ERC2: variants seen among roughly 807,000 people sequenced by gnomAD.
The protein encoded by ERC2 is ERC protein 2.
A neutral mutation model predicts 114.8 loss-of-function variants in ERC2; 42 were observed. The ratio of observed to expected loss-of-function variants is 0.37; its 90% CI spans 0.29 to 0.47. ERC2 has a LOEUF of 0.47. Ranked by LOEUF, ERC2 falls within the 20% of genes least tolerant of loss-of-function variation. The pLI is 0.99. For synonymous variants in ERC2, 454 were observed against 425.5 expected, an observed-to-expected ratio of 1.07 and a Z score of -0.82; for missense variants, 939 against 1,150.7, an observed-to-expected ratio of 0.82 and a Z score of 2.66.
chr3:56,343,381 T>G (rs557713799), intron 2 of ERC2, among the ~76,000 whole-genome samples: 65 of 152,006 alleles, frequency 4.3e-4, no homozygotes, highest in Non-Finnish European at 7.8e-4. Flanking sequence ...TTATCAAATT[T>G]TAGGCTAGGC....
chr3:55,603,565 T>A (rs577368811), intron 17 of ERC2, among the ~76,000 whole-genome samples: 4 of 148,318 alleles, frequency 2.7e-5, no homozygotes, highest in African/African-American at 1.0e-4. Flanking sequence ...CCCATCTTAC[T>A]GCAAGCAGGT....
intron 2 of ERC2, among the ~76,000 whole-genome samples, chr3:56,403,538 G>A (rs1206289658): frequency 6.6e-6 from 1 of 152,188 alleles, no homozygotes; most frequent in Non-Finnish European, 1.5e-5. Flanking sequence ...GCCACTCACA[G>A]TGTGGTCCAC....
rs570426204 is a variant in ERC2 at position 55,583,787 on chromosome 3, G to A, written c.*40-72511C>T. 3.3e-4 allele frequency among the ~76,000 whole-genome samples: 50 copies of A among 151,612 alleles called. No homozygotes were observed. The South Asian group carries it at 9.7e-3, about 29-fold the overall frequency. ...GGAAAATCCCTCTTCCCAAGTATCC[G>A]AGAGCTCACTGAGTTGCTTTTCCCA... On this transcript the variant is annotated intron_variant, in intron 17 of 17. Coordinates refer to ENST00000288221, the MANE Select transcript of ERC2 (RefSeq NM_015576.3).
chr3:55,569,861 A>ATTTTTTTTTTTTTTTTTTTT, intron 17 of ERC2, among the ~76,000 whole-genome samples: 1 of 125,228 alleles, frequency 8.0e-6, no homozygotes, highest in Non-Finnish European at 1.7e-5. Flanking sequence ...CTTCATTTCT[A>ATTTTTTTTTTTTTTTTTTTT]TTTTTTTTTT....
chr3:55,532,736 AC>A (rs1407111494), intron 17 of ERC2, among the ~76,000 whole-genome samples: 1 of 152,042 alleles, frequency 6.6e-6, no homozygotes, highest in African/African-American at 2.4e-5. Flanking sequence ...AGTAAGCTGC[AC>A]CCCCATCTCA....
intron 14 of ERC2, among the ~76,000 whole-genome samples, chr3:55,866,220 C>G (rs898135478): frequency 5.3e-5 from 8 of 152,106 alleles, no homozygotes; most frequent in Non-Finnish European, 8.8e-5. Flanking sequence ...CTTTAAGCAT[C>G]TTTTCATATG....
At chr3:55,534,465 G>T (rs1006869452) in intron 17 of ERC2, among the ~76,000 whole-genome samples, 9 of 151,408 alleles carry the variant, frequency 5.9e-5, no homozygotes, top group African/African-American at 2.2e-4. Context: ...AGGCCAAGAT[G>T]GGTGGATCAC....
chr3:56,416,702 A>G (rs1350180228), intron 2 of ERC2, among the ~76,000 whole-genome samples: 2 of 151,688 alleles, frequency 1.3e-5, no homozygotes, highest in African/African-American at 4.8e-5. Flanking sequence ...CTCTCTCTAA[A>G]CTGAAACTGT....
At chr3:56,204,922 CTGTGTGTGTGTGTGTG>C (rs58831473) in intron 3 of ERC2, among the ~76,000 whole-genome samples, 2 of 149,928 alleles carry the variant, frequency 1.3e-5, no homozygotes, top group African/African-American at 4.9e-5. Context: ...TGGGACGTGT[CTGTGTGTGTGTGTGTG>C]TGTGTGTGTG....
intron 7 of ERC2, among the ~76,000 whole-genome samples, chr3:56,046,131 A>C (rs549394140): frequency 6.6e-6 from 1 of 152,244 alleles, no homozygotes; most frequent in South Asian, 2.1e-4. Flanking sequence ...AGAGCTCTGG[A>C]AACACTTGCA....
intron 3 of ERC2, among the ~76,000 whole-genome samples, chr3:56,217,000 C>T (rs1051460986): frequency 7.2e-5 from 11 of 152,238 alleles, no homozygotes; most frequent in East Asian, 5.8e-4. Flanking sequence ...CTCAAAATAA[C>T]AAGAGCTATC....
chr3:55,775,307 G>A (rs1420020099), intron 14 of ERC2, among the ~76,000 whole-genome samples: 1 of 152,084 alleles, frequency 6.6e-6, no homozygotes, highest in Non-Finnish European at 1.5e-5. Flanking sequence ...CTAGGCGGAA[G>A]GATCACTTGA....
At chr3:56,171,538 G>A (rs1479022595) in intron 4 of ERC2, among the ~76,000 whole-genome samples, 6 of 152,090 alleles carry the variant, frequency 3.9e-5, no homozygotes, top group Admixed American at 3.3e-4. Flanking sequence ...TAGCAACACT[G>A]GCATCCATGA....
chr3:55,737,863 C>A (rs2065737081), intron 14 of ERC2, among the ~76,000 whole-genome samples: 1 of 152,098 alleles, frequency 6.6e-6, no homozygotes. Flanking sequence ...CTTTTTGGAT[C>A]AAAGGGAAGA....
At chr3:56,452,455 G>A (rs2062864684) in intron 1 of ERC2, among the ~76,000 whole-genome samples, 1 of 152,140 alleles carries the variant, frequency 6.6e-6, no homozygotes, top group African/African-American at 2.4e-5. Flanking sequence ...TTAAATTAAT[G>A]TTATGAATTT....
At chr3:56,029,668 T>G (rs914176891) in intron 7 of ERC2, among the ~76,000 whole-genome samples, 1 of 151,948 alleles carries the variant, frequency 6.6e-6, no homozygotes, top group East Asian at 1.9e-4. Context: ...GGAACTGTAA[T>G]GATAGCTTCT....
intron 17 of ERC2, among the ~76,000 whole-genome samples, chr3:55,541,347 C>G (rs541598874): frequency 1.1e-4 from 16 of 152,288 alleles, no homozygotes; most frequent in East Asian, 7.7e-4. Context: ...TCTGGCTCCC[C>G]CTTAGGTCCC....
chr3:55,699,293 T>C, intron 16 of ERC2, 85 bp downstream of exon 16: 1 of 1,530,152 alleles, frequency 6.5e-7, no homozygotes, highest in Non-Finnish European at 9.0e-7. Flanking sequence ...TTATGATGTT[T>C]ATTATTTCTT....
intron 2 of ERC2, among the ~76,000 whole-genome samples, chr3:56,415,575 C>T (rs2107164960): frequency 6.6e-6 from 1 of 152,322 alleles, no homozygotes; most frequent in South Asian, 2.1e-4. Context: ...AAAACCTTTT[C>T]TTGGATTATT....
Sources: gnomAD v4.1 joint callset for allele counts (sites outside exome capture counted in the v4.1 genomes callset) on GRCh38, gnomAD v4.1.1 for gene constraint, MANE v1.5 for transcripts, NCBI Gene and HGNC (gene_info 2026-07-23, HGNC 2026-07-21) for gene names.